DRC7: variants seen among roughly 807,000 people sequenced by gnomAD.
DRC7 encodes the protein coiled-coil domain containing 135.
A neutral mutation model predicts 104.4 loss-of-function variants in DRC7; 80 were observed. The observed-to-expected ratio is 0.77, with a 90% confidence interval of 0.64 to 0.92. DRC7 has a LOEUF of 0.92. Ranked by LOEUF, DRC7 falls within the 40% of genes least tolerant of loss-of-function variation. The pLI, the probability that DRC7 is intolerant of heterozygous loss-of-function variation, is 0.00. For missense variants in DRC7, 1,034 were observed against 1,141.1 expected (o/e 0.91, Z 1.35); for synonymous variants, 405 against 447.3 (o/e 0.91, Z 1.19).
At chr16:57,714,831 A>G (rs969340130) in intron 8 of DRC7, 5 of 359,494 alleles carry the variant, frequency 1.4e-5, no homozygotes, top group Non-Finnish European at 2.7e-5. Flanking sequence ...CCTTCCCAGT[A>G]TATACTACTT....
chr16:57,698,889 C>T lies in DRC7; in HGVS notation c.243C>T (p.Pro81=), dbSNP rs2048626470. ...ACACTATTGACATCTCCAAGCTGCC[C>T]ATTTCCTACAAAACCAACACACCCA... ...TKDTIDISKL[P]ISYKTNTPKE... Residue 81 remains proline, a synonymous_variant, in exon 4 of 19, where the codon CCC becomes CCT. Transcript: ENST00000360716. 3 of 1,614,024 alleles carry T rather than the reference C, an allele frequency of 1.9e-6. No homozygotes were observed. Among genetic ancestry groups the T allele is most frequent in the Admixed American group, 3.3e-5 (2 of 60,004 alleles).
At chr16:57,698,508 A>G (rs2048622114) in intron 3 of DRC7, among the ~76,000 whole-genome samples, 1 of 150,248 alleles carries the variant, frequency 6.7e-6, no homozygotes, top group Non-Finnish European at 1.5e-5. Flanking sequence ...GCAACATAGC[A>G]AGACCCCCCC....
intron 17 of DRC7, among the ~76,000 whole-genome samples, chr16:57,729,365 G>C (rs2049018608): frequency 6.8e-6 from 1 of 146,946 alleles, no homozygotes; most frequent in Non-Finnish European, 1.5e-5. Context: ...TGAGTGAGTG[G>C]GCAGATGGAT....
intron 8 of DRC7, among the ~76,000 whole-genome samples, chr16:57,711,608 A>G (rs192821180): frequency 9.1e-4 from 138 of 152,378 alleles, no homozygotes; most frequent in Admixed American, 1.8e-3. Flanking sequence ...CCAGCTGCCT[A>G]GACAGAGCTG....
chr16:57,712,088 T>C (rs1260766005), intron 8 of DRC7, among the ~76,000 whole-genome samples: 1 of 152,214 alleles, frequency 6.6e-6, no homozygotes, highest in Non-Finnish European at 1.5e-5. Flanking sequence ...TGTTATTGCC[T>C]TTGTTTTAAA....
At chr16:57,699,074 C>T in intron 4 of DRC7, 50 bp downstream of exon 4, 3 of 1,590,472 alleles carry the variant, frequency 1.9e-6, no homozygotes, top group South Asian at 2.2e-5. Flanking sequence ...GGCTGGAGAG[C>T]AGAGGGCACA....
In DRC7 at chr16:57,698,106, GAGA is replaced by G. The variant is rs751508757; in HGVS notation, c.163_165del (p.Lys55del). 4.3e-6 allele frequency: 7 copies of G among 1,614,030 alleles called. No homozygotes were observed. The African/African-American group carries it at 9.3e-5, about 22-fold the overall frequency. ...AAAGCAGGAGACGCTCAGAGACCTG[GAGA>G]AGAAGCTGTCAGAGATCCAGATCAC... On this transcript the variant is annotated inframe_deletion, in exon 3 of 19. Transcript: ENST00000360716.
intron 5 of DRC7, among the ~76,000 whole-genome samples, chr16:57,701,026 C>T (rs905623732): frequency 2.0e-5 from 3 of 152,078 alleles, no homozygotes; most frequent in Non-Finnish European, 1.5e-5. Flanking sequence ...ACAGACAAAG[C>T]GAGCTATTTT....
chr16:57,725,643 G>C (rs2048953947), intron 13 of DRC7: 1 of 167,684 alleles, frequency 6.0e-6, no homozygotes, highest in South Asian at 1.6e-4. Context: ...CGGGACCCAG[G>C]GATTAGAGTC....
At chr16:57,698,238 G>T (rs2048618416) in intron 3 of DRC7, 86 bp downstream of exon 3, 1 of 1,580,554 alleles carries the variant, frequency 6.3e-7, no homozygotes, top group Non-Finnish European at 8.6e-7. Context: ...TGCCTGGTCT[G>T]GTAGGGTGAC....
chr16:57,706,355 C>T (rs1436721854), intron 7 of DRC7, among the ~76,000 whole-genome samples: 6 of 147,446 alleles, frequency 4.1e-5, no homozygotes, highest in Admixed American at 2.0e-4. Flanking sequence ...ACCCATCCTC[C>T]CATCTGTCCA....
chr16:57,715,819 C>T (rs2048836864), intron 8 of DRC7, among the ~76,000 whole-genome samples: 1 of 152,182 alleles, frequency 6.6e-6, no homozygotes, highest in Non-Finnish European at 1.5e-5. Flanking sequence ...TGCTACAGTC[C>T]TTCAGCCCCT....
At chr16:57,721,251 C>G (rs970316367) in intron 9 of DRC7, among the ~76,000 whole-genome samples, 2 of 152,128 alleles carry the variant, frequency 1.3e-5, no homozygotes, top group African/African-American at 4.8e-5. Flanking sequence ...AATCAGAGCC[C>G]CAAGGCCTTT....
At chr16:57,726,042 A>C (rs371727665) in intron 13 of DRC7, 26 bp from the exon 14 acceptor site, 7 of 1,599,408 alleles carry the variant, frequency 4.4e-6, no homozygotes, top group Non-Finnish European at 3.4e-6. Context: ...TCCTTTGCTC[A>C]TCCTTTGCAT....
In DRC7 at chr16:57,707,555, C is replaced by G. The variant is rs2048745601; in HGVS notation, c.954C>G (p.Phe318Leu). The G allele has an allele frequency of 6.2e-7, 1 of 1,613,616 alleles. No homozygotes were observed. The highest frequency in any genetic ancestry group is 8.5e-7 in the Non-Finnish European group (1 of 1,180,028). ...LSGKREVPEN[F>L]FIDPFTGHSY... ...GGAAGCGCGAGGTGCCTGAGAACTT[C>G]TTCATCGACCCATTCACAGGACATA... Residue 318 changes from phenylalanine to leucine, a missense_variant, in exon 8 of 19, where the codon TTC (phenylalanine) becomes TTG (leucine). By Grantham distance (22) the Phe-to-Leu change is conservative. Transcript: ENST00000360716.
At chr16:57,706,873 T>C (rs1234921138) in intron 7 of DRC7, among the ~76,000 whole-genome samples, 1 of 148,218 alleles carries the variant, frequency 6.7e-6, no homozygotes, top group African/African-American at 2.5e-5. Flanking sequence ...TCCTCCCCTC[T>C]CTCCTCCCAT....
At chr16:57,727,119 C>T (rs2048978488) in intron 15 of DRC7, 177 bp downstream of exon 15, 1 of 652,260 alleles carries the variant, frequency 1.5e-6, no homozygotes, top group Admixed American at 2.7e-5. Context: ...CACCACCATG[C>T]CTGGCTAATT....
intron 17 of DRC7, among the ~76,000 whole-genome samples, chr16:57,730,696 G>GT (rs1555576412): frequency 0.011 from 1,369 of 126,042 alleles, 19 homozygotes; most frequent in African/African-American, 0.053. Context: ...TCTCAGTCTT[G>GT]CCCCGTTCTG....
At chr16:57,695,875 G>A (rs1316209940) in intron 1 of DRC7, among the ~76,000 whole-genome samples, 2 of 152,218 alleles carry the variant, frequency 1.3e-5, no homozygotes, top group Non-Finnish European at 2.9e-5. Context: ...CGTGGCTGGT[G>A]GCCAGGGACT....
Sources: allele counts gnomAD v4.1 joint callset (sites outside exome capture counted in the v4.1 genomes callset), GRCh38; gene constraint gnomAD v4.1.1; transcripts MANE v1.5; gene names NCBI Gene and HGNC (gene_info 2026-07-23, HGNC 2026-07-21).